RASAL2: variants seen among roughly 807,000 people sequenced by gnomAD.
RASAL2 encodes ras GTPase-activating protein nGAP.
A neutral mutation model predicts 128.9 loss-of-function variants in RASAL2; 58 were observed. That is an observed-to-expected ratio of 0.45 (90% CI 0.36 to 0.56). RASAL2 has a LOEUF of 0.56. RASAL2 is among the 20% of genes least tolerant of loss of function. The pLI is 0.00. For missense variants in RASAL2, 1,360 were observed against 1,601.6 expected (o/e 0.85, Z 2.57); for synonymous variants, 561 against 580.8 (o/e 0.97, Z 0.49).
At chr1:178,192,392 C>T (rs562878716) in intron 1 of RASAL2, among the ~76,000 whole-genome samples, 16 of 152,094 alleles carry the variant, frequency 1.1e-4, no homozygotes, top group African/African-American at 2.2e-4. Flanking sequence ...AGCACATGAA[C>T]GAAGAACTTT....
At chr1:178,158,253 A>G (rs1661149679) in intron 1 of RASAL2, among the ~76,000 whole-genome samples, 1 of 152,264 alleles carries the variant, frequency 6.6e-6, no homozygotes, top group Non-Finnish European at 1.5e-5. Context: ...TAGCAAAGGA[A>G]TAGGCTTTGG....
intron 3 of RASAL2, among the ~76,000 whole-genome samples, chr1:178,302,047 G>A (rs992494442): frequency 2.6e-5 from 4 of 152,016 alleles, no homozygotes; most frequent in Non-Finnish European, 5.9e-5. Flanking sequence ...AGCTATCCTC[G>A]TAAATATTAT....
intron 1 of RASAL2, among the ~76,000 whole-genome samples, chr1:178,253,640 A>C (rs976837673): frequency 5.3e-5 from 8 of 152,118 alleles, no homozygotes; most frequent in African/African-American, 1.9e-4. Context: ...TAGGTAAAGG[A>C]AAATTACAGT....
chr1:178,426,282 C>T (rs1306584204), intron 5 of RASAL2, among the ~76,000 whole-genome samples: 1 of 152,100 alleles, frequency 6.6e-6, no homozygotes, highest in Non-Finnish European at 1.5e-5. Context: ...TATACAAAAA[C>T]ATGATATACC....
rs1416980535 is a variant in RASAL2 at position 178,343,026 on chromosome 1, C to T, written c.457+42908C>T. 1.3e-5 allele frequency among the ~76,000 whole-genome samples: 2 copies of T among 152,168 alleles called. 1 individual carries two copies. Among genetic ancestry groups the T allele is most frequent in the Admixed American group, 1.3e-4 (2 of 15,268 alleles). ...AGACCATTGTGGGGATGAGAGGCCA[C>T]ACTATTCTAGTGAGCTAAATAGTAA... is the stretch of plus-strand genomic sequence containing the variant. On this transcript the variant is annotated intron_variant, in intron 3 of 17. Coordinates refer to ENST00000367649, the MANE Select transcript of RASAL2 (RefSeq NM_170692.4).
At chr1:178,418,661 T>C (rs893441539) in intron 4 of RASAL2, among the ~76,000 whole-genome samples, 5 of 152,236 alleles carry the variant, frequency 3.3e-5, no homozygotes, top group Non-Finnish European at 7.3e-5. Context: ...CCTGCATGTT[T>C]AAAAATCACT....
intron 1 of RASAL2, among the ~76,000 whole-genome samples, chr1:178,216,376 C>T (rs566317564): frequency 3.9e-5 from 6 of 152,138 alleles, no homozygotes; most frequent in Non-Finnish European, 7.3e-5. Flanking sequence ...ATTCCACATG[C>T]CTGTGTTTAC....
chr1:178,146,581 T>C (rs1478513340), intron 1 of RASAL2, among the ~76,000 whole-genome samples: 5 of 152,226 alleles, frequency 3.3e-5, no homozygotes, highest in Non-Finnish European at 7.3e-5. Context: ...TCTTCTTGTC[T>C]CATTCTATTA....
chr1:178,414,979 C>T (rs1674662014), intron 4 of RASAL2, among the ~76,000 whole-genome samples: 1 of 151,976 alleles, frequency 6.6e-6, no homozygotes, highest in South Asian at 2.1e-4. Flanking sequence ...TTTTCTTAGT[C>T]TGGCTACAGA....
intron 4 of RASAL2, among the ~76,000 whole-genome samples, chr1:178,415,853 C>G (rs993996118): frequency 6.6e-6 from 1 of 152,052 alleles, no homozygotes; most frequent in Non-Finnish European, 1.5e-5. Context: ...AATATCTGCT[C>G]TGTCTGAAAT....
chr1:178,216,529 A>G (rs1215520069), intron 1 of RASAL2, among the ~76,000 whole-genome samples: 2 of 152,242 alleles, frequency 1.3e-5, no homozygotes, highest in Non-Finnish European at 2.9e-5. Flanking sequence ...TAACCAACCA[A>G]TTATCGTAAA....
chr1:178,430,341 T>G (rs1675805086), intron 5 of RASAL2, among the ~76,000 whole-genome samples: 1 of 152,144 alleles, frequency 6.6e-6, no homozygotes, highest in Non-Finnish European at 1.5e-5. Context: ...CTTAGTTTTA[T>G]GAACTAAAAC....
At chr1:178,469,266 T>C (rs1365452745) in intron 17 of RASAL2, among the ~76,000 whole-genome samples, 2 of 151,956 alleles carry the variant, frequency 1.3e-5, no homozygotes, top group Non-Finnish European at 2.9e-5. Flanking sequence ...CAGTGCACTA[T>C]AGCCTGAGCG....
intron 1 of RASAL2, among the ~76,000 whole-genome samples, chr1:178,145,931 GA>G (rs1319838605): frequency 6.6e-6 from 1 of 152,148 alleles, no homozygotes; most frequent in Non-Finnish European, 1.5e-5. Flanking sequence ...AGCTATAAGG[GA>G]AACTGGAAAA....
At chr1:178,468,774 A>T (rs1297289613) in intron 17 of RASAL2, among the ~76,000 whole-genome samples, 1 of 152,142 alleles carries the variant, frequency 6.6e-6, no homozygotes, top group African/African-American at 2.4e-5. Context: ...GGTAGTGGAG[A>T]CTAGGCCATC....
intron 1 of RASAL2, among the ~76,000 whole-genome samples, chr1:178,250,824 T>A (rs947192213): frequency 6.1e-4 from 93 of 152,204 alleles, no homozygotes; most frequent in Non-Finnish European, 1.8e-4. Flanking sequence ...CTTAGTCACG[T>A]TATTTTGAAA....
At chr1:178,341,529 A>G (rs1669878771) in intron 3 of RASAL2, 9 of 1,612,476 alleles carry the variant, frequency 5.6e-6, no homozygotes, top group Non-Finnish European at 5.9e-6. Flanking sequence ...TACAGTATAC[A>G]AAGTGTTTTG....
rs1207771660 is a variant in RASAL2 at position 178,477,434 on chromosome 1, C to G, written c.*4195C>G. The G allele has an allele frequency of 6.6e-6, 1 of 152,064 alleles. No individual in the cohort carries two copies. The highest frequency in any genetic ancestry group is 1.9e-4 in the East Asian group (1 of 5,190). 9.4% of individuals were successfully genotyped at this position (152,064 alleles called of 1,614,324 possible). On this transcript the variant is annotated 3_prime_UTR_variant, in exon 18 of 18. Transcript: ENST00000367649. Reference sequence around the variant, plus strand: ...CTTTGTCATGACCCGATTATGTATACTCTTGGGTTTAGGAAGGACAAAAGT... The same window carrying G: ...CTTTGTCATGACCCGATTATGTATAGTCTTGGGTTTAGGAAGGACAAAAGT...
At chr1:178,170,300 A>G (rs918584426) in intron 1 of RASAL2, among the ~76,000 whole-genome samples, 1 of 151,874 alleles carries the variant, frequency 6.6e-6, no homozygotes, top group Non-Finnish European at 1.5e-5. Context: ...CACTAGCTAA[A>G]TTGAGATAGA....
Sources: gnomAD v4.1 joint callset for allele counts (sites outside exome capture counted in the v4.1 genomes callset) on GRCh38, gnomAD v4.1.1 for gene constraint, MANE v1.5 for transcripts, NCBI Gene and HGNC (gene_info 2026-07-23, HGNC 2026-07-21) for gene names.